The following BPI variants were observed in gnomAD, a reference collection of about 807,000 sequenced individuals.
The protein encoded by BPI is bactericidal permeability increasing protein.
Under a neutral mutation model 57.6 loss-of-function variants are expected in BPI, and 48 were observed. The ratio of observed to expected loss-of-function variants is 0.83; its 90% CI spans 0.66 to 1.06. The LOEUF is 1.06. BPI is among the 50% of genes least tolerant of loss of function. BPI has a pLI of 0.00. For synonymous variants in BPI, 237 were observed against 238.2 expected (o/e 0.99, Z 0.05); for missense variants, 651 against 609.7 (o/e 1.07, Z -0.71).
intron 7 of BPI, among the ~76,000 whole-genome samples, chr20:38,323,295 C>G (rs2076696011): frequency 1.3e-5 from 2 of 152,130 alleles, no homozygotes; most frequent in African/African-American, 4.8e-5. Flanking sequence ...AATAAATGAT[C>G]TGCTTTTGCA....
At chr20:38,309,777 T>C (rs1028910620) in intron 3 of BPI, among the ~76,000 whole-genome samples, 1 of 152,194 alleles carries the variant, frequency 6.6e-6, no homozygotes, top group Non-Finnish European at 1.5e-5. Flanking sequence ...ACAGCTACCC[T>C]GCCCATTAGC....
chr20:38,310,455 A>T (rs747714733), intron 3 of BPI, 36 bp from the exon 4 acceptor site: 10 of 1,597,066 alleles, frequency 6.3e-6, no homozygotes, highest in Non-Finnish European at 8.6e-6. Context: ...GTGGGAAGAA[A>T]GGACTTGTCC....
chr20:38,319,528 C>T (rs2076670378), intron 6 of BPI, among the ~76,000 whole-genome samples: 3 of 152,200 alleles, frequency 2.0e-5, no homozygotes, highest in South Asian at 2.1e-4. Context: ...AAGGTTTGGC[C>T]TCAAGAGGCA....
intron 12 of BPI, among the ~76,000 whole-genome samples, chr20:38,331,723 G>A (rs1461835956): frequency 6.6e-6 from 1 of 151,912 alleles, no homozygotes; most frequent in Non-Finnish European, 1.5e-5. Context: ...TGCACATGTA[G>A]TCCCAGATAC....
chr20:38,327,796 G>A (rs1015801151), intron 11 of BPI, 141 bp downstream of exon 11: 12 of 956,188 alleles, frequency 1.3e-5, no homozygotes, highest in African/African-American at 3.3e-5. Flanking sequence ...AAGAGTGTGC[G>A]ATGGCCACAG....
chr20:38,312,580 G>A (rs1010279827), intron 5 of BPI, among the ~76,000 whole-genome samples: 2 of 152,230 alleles, frequency 1.3e-5, no homozygotes, highest in African/African-American at 4.8e-5. Flanking sequence ...CTCTCCAGAG[G>A]GCAATGGAAG....
rs1222262568 is a variant in BPI at position 38,310,557 on chromosome 20, C to T, written c.441C>T (p.Gly147=). The change falls in exon 4 of 15, where the codon GGC becomes GGT. Residue 147 remains glycine (G), a synonymous_variant. Transcript: ENST00000642449. The stretch of plus-strand genomic sequence containing the variant: ...CCATTTCGGCTGATCTGAAGCTGGG[C>T]AGTAACCCCACGTCAGGCAAGCCCA... The part of the protein sequence containing the change: ...GMSISADLKL[G]SNPTSGKPTI... The T allele has an allele frequency of 6.2e-7, 1 of 1,614,072 alleles. No individual in the cohort carries two copies. The highest frequency in any genetic ancestry group is 8.5e-7 in the Non-Finnish European group (1 of 1,180,034).
chr20:38,324,726 C>T lies in BPI; in HGVS notation c.934-48C>T, dbSNP rs1350684883. ...GATACAGAACTCACCCCCTCTGCTC[C>T]GTCTGTAACAGCATCCTCCGAGATC... On this transcript the variant is annotated intron_variant, in intron 8 of 14. Transcript: ENST00000642449. 1.3e-5 allele frequency: 20 copies of T among 1,490,718 alleles called. 1 individual carries two copies. The highest frequency in any genetic ancestry group is 7.9e-5 in the South Asian group (7 of 88,484). 92.3% of individuals were successfully genotyped at this position (1,490,718 alleles called of 1,614,324 possible). A position where few individuals can be genotyped will look rare whatever the true frequency, so the allele number is the denominator to read the frequency against.
chr20:38,320,941 G>A (rs112393671), intron 7 of BPI, among the ~76,000 whole-genome samples: 4 of 108,966 alleles, frequency 3.7e-5, no homozygotes, highest in African/African-American at 3.5e-5. Flanking sequence ...ATGGGTAAGT[G>A]GATGGGAGGT....
intron 5 of BPI, among the ~76,000 whole-genome samples, chr20:38,315,862 T>G (rs1382730655): frequency 6.8e-6 from 1 of 146,962 alleles, no homozygotes; most frequent in East Asian, 2.0e-4. Flanking sequence ...TGATGAAGTC[T>G]CTCTCTGTTG....
chr20:38,316,036 G>T (rs1271403818), intron 5 of BPI, among the ~76,000 whole-genome samples: 2 of 152,014 alleles, frequency 1.3e-5, no homozygotes, highest in Non-Finnish European at 2.9e-5. Context: ...AATTCACCAT[G>T]TTGGCCAGGC....
chr20:38,310,747 T>G (rs2122499556), intron 4 of BPI, 95 bp downstream of exon 4: 1 of 1,492,124 alleles, frequency 6.7e-7, no homozygotes, highest in Admixed American at 1.9e-5. Context: ...GAGTGCCACC[T>G]GCATGCCAGG....
At chr20:38,305,720 T>A (rs1391863610) in intron 1 of BPI, among the ~76,000 whole-genome samples, 1 of 152,206 alleles carries the variant, frequency 6.6e-6, no homozygotes, top group African/African-American at 2.4e-5. Context: ...TCACCTCAGC[T>A]TTCTGAGCCT....
At position 38,309,004 on chromosome 20, in the gene BPI, T is replaced by G. The variant is rs1004648486; in HGVS notation, c.320T>G (p.Ile107Ser). 2.5e-6 allele frequency: 4 copies of G among 1,614,218 alleles called. No individual in the cohort carries two copies. Among genetic ancestry groups the G allele is most frequent in the Non-Finnish European group, 3.4e-6 (4 of 1,180,042 alleles). Residue 107 changes from isoleucine (I) to serine (S), a missense_variant, in exon 3 of 15, where the codon ATC becomes AGC. Physicochemically the swap from Ile to Ser is moderately radical, Grantham distance 142. Coordinates refer to ENST00000642449, the MANE Select transcript of BPI (RefSeq NM_001725.3). ...CCCAATGTGGGCCTTAAGTTCTCCA[T>G]CAGCAACGCCAATATCAAGATCAGC... The part of the protein sequence containing the change: ...MVPNVGLKFS[I>S]SNANIKISGK...
intron 1 of BPI, among the ~76,000 whole-genome samples, chr20:38,305,836 G>T (rs188394512): frequency 1.1e-4 from 16 of 152,270 alleles, no homozygotes; most frequent in African/African-American, 3.6e-4. Flanking sequence ...ACAGAGTAAA[G>T]CTCGATACAT....
chr20:38,330,875 TG>T, intron 11 of BPI, among the ~76,000 whole-genome samples, 172 bp from the exon 12 acceptor site: 1 of 152,234 alleles, frequency 6.6e-6, no homozygotes, highest in East Asian at 1.9e-4. Flanking sequence ...ATGCAGGGAA[TG>T]TGTGAATTCT....
intron 5 of BPI, chr20:38,317,860 A>G (rs1031352464): frequency 2.0e-5 from 30 of 1,479,440 alleles, no homozygotes; most frequent in Admixed American, 1.3e-4. Context: ...TGTTTGTTCC[A>G]TTGTGAGTCA....
At chr20:38,337,065 C>A in intron 14 of BPI, 81 bp from the exon 15 acceptor site, 1 of 1,455,750 alleles carries the variant, frequency 6.9e-7, no homozygotes, top group Admixed American at 2.0e-5. Context: ...CCAAAATGTC[C>A]TTCTTAAAAC....
chr20:38,334,112 C>G (rs1394136666), intron 12 of BPI, among the ~76,000 whole-genome samples: 1 of 152,204 alleles, frequency 6.6e-6, no homozygotes, highest in East Asian at 1.9e-4. Flanking sequence ...ATTTTTTAAG[C>G]TAAGCTTTTC....
Sources: gnomAD v4.1 joint callset for allele counts (sites outside exome capture counted in the v4.1 genomes callset) on GRCh38, gnomAD v4.1.1 for gene constraint, MANE v1.5 for transcripts, NCBI Gene and HGNC (gene_info 2026-07-23, HGNC 2026-07-21) for gene names.